CEP63: variants seen among roughly 807,000 people sequenced by gnomAD.
The protein encoded by CEP63 is centrosomal protein 63.
In CEP63, 84 loss-of-function variants were observed where a neutral mutation model predicts 89.1. The observed-to-expected ratio is 0.94, with a 90% CI of 0.79 to 1.13. CEP63 has a LOEUF of 1.13. Among genes scored for constraint, CEP63 ranks in the 50% most tolerant of loss-of-function variants. CEP63 has a pLI of 0.00. For synonymous variants in CEP63, 267 were observed against 272.5 expected (o/e 0.98, Z 0.20); for missense variants, 838 against 813.3 (o/e 1.03, Z -0.37).
At chr3:134,649,898 G>C in the CEP63 span, among the ~76,000 whole-genome samples, 1 of 152,214 alleles carries the variant, frequency 6.6e-6, no homozygotes, top group African/African-American at 2.4e-5. Flanking sequence ...CAGAGCTGGA[G>C]GGGAGGAGAG....
At chr3:134,715,671 G>C in the CEP63 span, among the ~76,000 whole-genome samples, 1 of 152,028 alleles carries the variant, frequency 6.6e-6, no homozygotes, top group South Asian at 2.1e-4. Context: ...TTTAAAGAGG[G>C]CTTTGGCCCC....
the CEP63 span, among the ~76,000 whole-genome samples, chr3:134,744,627 G>T: frequency 6.6e-6 from 1 of 152,116 alleles, no homozygotes; most frequent in Non-Finnish European, 1.5e-5. Flanking sequence ...TAATCCCCCT[G>T]CCTCAGTCTC....
the CEP63 span, among the ~76,000 whole-genome samples, chr3:134,639,091 A>C: frequency 1.7e-5 from 2 of 120,940 alleles, no homozygotes. Flanking sequence ...TTTTTCCTGC[A>C]GTAGCTTAGA....
At chr3:134,733,872 G>T in the CEP63 span, among the ~76,000 whole-genome samples, 2 of 150,830 alleles carry the variant, frequency 1.3e-5, no homozygotes, top group African/African-American at 5.0e-5. Context: ...AACGCATGTA[G>T]ATGGATACTT....
chr3:134,499,855 G>A (rs9870262), intron 2 of CEP63, among the ~76,000 whole-genome samples: 90,156 of 136,358 alleles, frequency 0.66, 29,824 homozygotes, highest in East Asian at 0.82. Context: ...ATGGAGTCTC[G>A]CTCTGTTGCC....
chr3:134,542,884 A>G (rs866585161), intron 6 of CEP63, among the ~76,000 whole-genome samples: 1 of 151,606 alleles, frequency 6.6e-6, no homozygotes, highest in Non-Finnish European at 1.5e-5. Flanking sequence ...AGAATGCTAA[A>G]TGTTAGATTA....
the CEP63 span, among the ~76,000 whole-genome samples, chr3:134,689,442 T>TTTTTTATTATTATTATTA: frequency 1.0e-5 from 1 of 96,432 alleles, no homozygotes; most frequent in South Asian, 3.8e-4. Context: ...AAGGACCTTA[T>TTTTTTATTATTATTATTA]TTATTATTAT....
chr3:134,753,776 T>TG, the CEP63 span, among the ~76,000 whole-genome samples: 12 of 152,070 alleles, frequency 7.9e-5, no homozygotes, highest in Non-Finnish European at 1.3e-4. Context: ...TTCAGAGAGG[T>TG]GGGGTAACTT....
downstream of CEP63, among the ~76,000 whole-genome samples, chr3:134,566,097 C>T (rs183176235): frequency 6.6e-6 from 1 of 150,404 alleles, no homozygotes; most frequent in East Asian, 2.0e-4. Context: ...CTCCGCAGTG[C>T]AATTTTGATA....
rs144572117 is a variant in CEP63 at position 134,500,150 on chromosome 3, G to A, written c.44+4786G>A. On this transcript the variant is annotated intron_variant, in intron 2 of 14. Transcript: ENST00000675561. Reference sequence around the variant, plus strand: ...TTATTATTCCCATCTTGATGTCTGTGTGTACTCAATGTTTAGCTTCCACTT... The same window carrying A: ...TTATTATTCCCATCTTGATGTCTGTATGTACTCAATGTTTAGCTTCCACTT... 1.3e-3 allele frequency among the ~76,000 whole-genome samples: 195 copies of A among 152,194 alleles called. 1 individual carries two copies. Among genetic ancestry groups the A allele is most frequent in the African/African-American group, 4.5e-3 (188 of 41,512 alleles).
the CEP63 span, among the ~76,000 whole-genome samples, chr3:134,689,969 G>A: frequency 2.6e-5 from 4 of 152,058 alleles, no homozygotes; most frequent in African/African-American, 9.7e-5. Flanking sequence ...CATATCTACA[G>A]GCAGAAATTA....
At chr3:134,774,452 A>C in the CEP63 span, among the ~76,000 whole-genome samples, 1 of 151,640 alleles carries the variant, frequency 6.6e-6, no homozygotes, top group Non-Finnish European at 1.5e-5. Context: ...AAAATGAAAG[A>C]CCCTTTTGTT....
At chr3:134,520,550 G>A (rs895125559) in intron 3 of CEP63, among the ~76,000 whole-genome samples, 1 of 152,108 alleles carries the variant, frequency 6.6e-6, no homozygotes, top group African/African-American at 2.4e-5. Context: ...AATCAACAAG[G>A]TTGATTCTCA....
At chr3:134,565,776 T>TAA (rs530861293), downstream of CEP63, among the ~76,000 whole-genome samples, 34 of 130,592 alleles carry the variant, frequency 2.6e-4, no homozygotes, top group South Asian at 2.1e-3. Flanking sequence ...GCCCATAAGA[T>TAA]AAAAAAAAAA....
chr3:134,529,325 C>G (rs1002446249), intron 3 of CEP63, among the ~76,000 whole-genome samples: 1 of 142,772 alleles, frequency 7.0e-6, no homozygotes, highest in Admixed American at 7.2e-5. Flanking sequence ...TATAAAAGAA[C>G]AAATCCCCAT....
At chr3:134,625,689 C>T in the CEP63 span, among the ~76,000 whole-genome samples, 1 of 152,358 alleles carries the variant, frequency 6.6e-6, no homozygotes, top group East Asian at 1.9e-4. Context: ...GTGCGTTTGG[C>T]ACCCAGACAG....
At chr3:134,570,358 A>C (rs1049868186) in intron 11 of CEP63, among the ~76,000 whole-genome samples, 1 of 152,266 alleles carries the variant, frequency 6.6e-6, no homozygotes, top group Non-Finnish European at 1.5e-5. Flanking sequence ...CACCCAAGTC[A>C]CCTGTTGAAT....
chr3:134,623,499 G>A, the CEP63 span, among the ~76,000 whole-genome samples: 6 of 151,918 alleles, frequency 3.9e-5, no homozygotes, highest in African/African-American at 7.2e-5. Context: ...CCTCCTTCTC[G>A]TATGTCCTCA....
chr3:134,526,363 G>T (rs909359390), intron 3 of CEP63, among the ~76,000 whole-genome samples: 8 of 152,008 alleles, frequency 5.3e-5, no homozygotes, highest in Non-Finnish European at 1.0e-4. Context: ...CAGGCTCTGA[G>T]ATTTCTTTCC....
Sources: gnomAD v4.1 joint callset for allele counts (sites outside exome capture counted in the v4.1 genomes callset) on GRCh38, gnomAD v4.1.1 for gene constraint, MANE v1.5 for transcripts, NCBI Gene and HGNC (gene_info 2026-07-23, HGNC 2026-07-21) for gene names.